Variants in CUX1 observed in about 807,000 individuals in gnomAD.
The protein encoded by CUX1 is protein CASP.
A neutral mutation model predicts 158.8 loss-of-function variants in CUX1; 31 were observed. The ratio of observed to expected loss-of-function variants is 0.20; its 90% CI spans 0.15 to 0.26. The LOEUF (loss-of-function observed/expected upper bound fraction) is 0.26. Ranked by LOEUF, CUX1 falls within the 10% of genes least tolerant of loss-of-function variation. CUX1 has a pLI of 1.00. For synonymous variants in CUX1, 879 were observed against 862.1 expected (o/e 1.02, Z -0.34); for missense variants, 1,589 against 2,014.6 (o/e 0.79, Z 4.04).
intron 11 of CUX1, among the ~76,000 whole-genome samples, chr7:102,186,526 GGT>G (rs1793631461): frequency 6.6e-6 from 1 of 151,794 alleles, no homozygotes; most frequent in South Asian, 2.1e-4. Flanking sequence ...TGCGTCAATA[GGT>G]GAATGCGTTG....
intron 2 of CUX1, among the ~76,000 whole-genome samples, chr7:102,012,167 T>TA (rs1818111507): frequency 1.3e-5 from 2 of 152,250 alleles, no homozygotes; most frequent in East Asian, 1.9e-4. Context: ...TTTGCTTTTT[T>TA]AAAAAAATGT....
intron 23 of CUX1, among the ~76,000 whole-genome samples, chr7:102,246,499 C>T (rs958230493): frequency 4.6e-5 from 7 of 152,196 alleles, no homozygotes; most frequent in African/African-American, 1.7e-4. Context: ...GGCTAAGCTA[C>T]AGTAGGATCT....
At chr7:102,079,980 G>A (rs402294) in intron 4 of CUX1, among the ~76,000 whole-genome samples, 19,181 of 152,082 alleles carry the variant, frequency 0.13, 1,584 homozygotes, top group Non-Finnish European at 0.18. Flanking sequence ...TACCTTCCTC[G>A]GCCAGGTTCA....
chr7:102,055,991 A>G lies in CUX1; in HGVS notation c.190-14348A>G, dbSNP rs1163152904. On this transcript the variant is annotated intron_variant, in intron 3 of 23. Transcript: ENST00000292535. The stretch of plus-strand genomic sequence containing the variant: ...ACAACATTCTCTTAAGCCAAAGTCT[A>G]ATTCTCTTAATTGGGTCTTAATTGT... 3.3e-5 allele frequency among the ~76,000 whole-genome samples: 5 copies of G among 152,218 alleles called. 1 individual carries two copies. The highest frequency in any genetic ancestry group is 4.1e-4 in the South Asian group (2 of 4,824).
chr7:102,059,214 G>A (rs192586308), intron 3 of CUX1, among the ~76,000 whole-genome samples: 1 of 152,328 alleles, frequency 6.6e-6, no homozygotes, highest in Non-Finnish European at 1.5e-5. Context: ...GATGCTTGTT[G>A]CTGTTTTTAT....
rs190930525 is a variant in CUX1, at chr7:102,256,132, C to T, written c.*7090C>T. 3.7e-5 allele frequency: 36 copies of T among 985,376 alleles called. No homozygotes were observed. In the African/African-American group the frequency reaches 4.9e-4, roughly 13 times the overall value. 61.0% of individuals were successfully genotyped at this position (985,376 alleles called of 1,614,324 possible). A position where few individuals can be genotyped will look rare whatever the true frequency, so the allele number is the denominator to read the frequency against. On this transcript the variant is annotated 3_prime_UTR_variant, in exon 24 of 24. Transcript: ENST00000292535. Reference sequence around the variant, plus strand: ...GCGTGCAGGGCCCGCGGGCTCTGGCCGGAGCCGCTGGCCTGACGAGGCAGG... The same window carrying T: ...GCGTGCAGGGCCCGCGGGCTCTGGCTGGAGCCGCTGGCCTGACGAGGCAGG...
rs1460321501 is a variant in CUX1 at position 102,248,397 on chromosome 7, CTTG to C, written c.3888-10_3888-8del. The C allele has an allele frequency of 1.9e-6, 3 of 1,580,864 alleles. No homozygotes were observed. The African/African-American group carries it at 4.1e-5, about 22-fold the overall frequency. On this transcript the variant is annotated splice_polypyrimidine_tract_variant and intron_variant, in intron 23 of 23. Coordinates refer to ENST00000292535, the MANE Select transcript of CUX1 (RefSeq NM_181552.4). This position sits in a 1 kb window ranked among gnomAD's most constrained non-coding sequence, Gnocchi z 5.8. ...CAGCACCCCCCTCACGTCCCCGCCG[CTTG>C]TTGTCTTGTAGGTCTCGGATCCGCA...
intron 2 of CUX1, among the ~76,000 whole-genome samples, chr7:102,021,817 T>C (rs1417290307): frequency 6.6e-6 from 1 of 152,052 alleles, no homozygotes; most frequent in African/African-American, 2.4e-5. Flanking sequence ...CGCTTCAGCC[T>C]CTCGAAGTGC....
At chr7:102,164,940 C>CG (rs1343837871) in intron 9 of CUX1, among the ~76,000 whole-genome samples, 2 of 152,126 alleles carry the variant, frequency 1.3e-5, no homozygotes, top group Non-Finnish European at 2.9e-5. Flanking sequence ...CCCCCTCCCC[C>CG]GCCATATAAA....
At position 102,251,431 on chromosome 7, in the gene CUX1, C is replaced by T; in HGVS notation, c.*2389C>T. ...CTGCAGCACTTAGTTCACGTTTTCA[C>T]AAATTTCAAGAGTCACTACACTAAA... is the stretch of plus-strand genomic sequence containing the variant. On this transcript the variant is annotated 3_prime_UTR_variant, in exon 24 of 24. Transcript: ENST00000292535. 1 of 985,338 alleles carries T rather than the reference C, an allele frequency of 1.0e-6. No homozygotes were observed. Among genetic ancestry groups the T allele is most frequent in the Non-Finnish European group, 1.2e-6 (1 of 829,894 alleles). 61.0% of individuals were successfully genotyped at this position (985,338 alleles called of 1,614,324 possible).
intron 2 of CUX1, among the ~76,000 whole-genome samples, chr7:101,970,673 A>G (rs1811841409): frequency 6.6e-6 from 1 of 152,092 alleles, no homozygotes; most frequent in South Asian, 2.1e-4. Flanking sequence ...CTCCTGCCTC[A>G]GCCCCTCGAG....
chr7:102,208,576 C>T (rs1464141367), intron 20 of CUX1, among the ~76,000 whole-genome samples: 1 of 152,160 alleles, frequency 6.6e-6, no homozygotes, highest in African/African-American at 2.4e-5. Flanking sequence ...AATAGAGTTG[C>T]TAACAGTGGT....
chr7:102,167,160 C>G (rs977787930), intron 9 of CUX1, among the ~76,000 whole-genome samples: 6 of 151,520 alleles, frequency 4.0e-5, no homozygotes, highest in African/African-American at 1.5e-4. Flanking sequence ...CCCAGCTACT[C>G]AGGAGGCTGA....
intron 4 of CUX1, among the ~76,000 whole-genome samples, chr7:102,074,771 C>G (rs1170836663): frequency 6.6e-6 from 1 of 152,244 alleles, no homozygotes; most frequent in East Asian, 1.9e-4. Flanking sequence ...GGTGGGCACC[C>G]ACCTGATGTG....
At chr7:102,092,906 C>T (rs1357855370) in intron 4 of CUX1, among the ~76,000 whole-genome samples, 1 of 117,556 alleles carries the variant, frequency 8.5e-6, no homozygotes, top group Non-Finnish European at 1.7e-5. Context: ...CAGTGAGACT[C>T]CGTCTCAAAA....
At chr7:101,816,217 TG>T, upstream of CUX1, 1 of 196,550 alleles carries the variant, frequency 5.1e-6, no homozygotes, top group Non-Finnish European at 8.4e-6. Flanking sequence ...AGGAGGGGGG[TG>T]CCGGGCACCG....
At position 101,963,417 on chromosome 7, in the gene CUX1, G is replaced by T. The variant is rs1449342831; in HGVS notation, c.141+47192G>T. ...TGAGGCAGGCGTGGCTCCCGTCCCCGGGCTGCACCCAGCAGTTCATCCCGG... is the reference window on the plus strand; with the variant it reads ...TGAGGCAGGCGTGGCTCCCGTCCCCTGGCTGCACCCAGCAGTTCATCCCGG... On this transcript the variant is annotated intron_variant, in intron 2 of 23. Coordinates refer to ENST00000292535, the MANE Select transcript of CUX1 (RefSeq NM_181552.4). Among the ~76,000 whole-genome samples, 12 of 152,196 alleles carry T rather than the reference G, an allele frequency of 7.9e-5. No homozygotes were observed. The East Asian group carries it at 2.3e-3, about 29-fold the overall frequency.
At chr7:102,038,547 TC>T (rs1480063759) in intron 3 of CUX1, among the ~76,000 whole-genome samples, 3 of 152,174 alleles carry the variant, frequency 2.0e-5, no homozygotes, top group African/African-American at 7.2e-5. Context: ...AATTAAAAAG[TC>T]AAGTTAGGAG....
chr7:101,954,937 C>T (rs1463192677), intron 2 of CUX1, among the ~76,000 whole-genome samples: 1 of 151,990 alleles, frequency 6.6e-6, no homozygotes, highest in African/African-American at 2.4e-5. Context: ...TTTGGGAAGC[C>T]GAGGCAGGCG....
Sources: gnomAD v4.1 joint callset for allele counts (sites outside exome capture counted in the v4.1 genomes callset) on GRCh38, gnomAD v4.1.1 for gene constraint, Gnocchi (gnomAD v3.1) non-coding constraint, MANE v1.5 for transcripts, NCBI Gene and HGNC (gene_info 2026-07-23, HGNC 2026-07-21) for gene names.